Variants in PRDM16 observed in about 807,000 individuals in gnomAD.
PRDM16 encodes histone-lysine N-methyltransferase PRDM16.
Under a neutral mutation model 110.6 loss-of-function variants are expected in PRDM16, and 23 were observed. That is an observed-to-expected ratio of 0.21 (90% CI 0.15 to 0.29). PRDM16 has a LOEUF of 0.29. Among genes scored for constraint, PRDM16 ranks in the 10% least tolerant of loss-of-function variants. PRDM16 has a pLI of 1.00. For synonymous variants in PRDM16, 799 were observed against 781.8 expected (o/e 1.02, Z -0.37); for missense variants, 1,615 against 1,794.3 (o/e 0.90, Z 1.81).
chr1:3,140,085 C>G (rs7354964), intron 1 of PRDM16, among the ~76,000 whole-genome samples: 86,404 of 152,200 alleles, frequency 0.57, 27,327 homozygotes, highest in African/African-American at 0.82. Context: ...GCGTTTTAAA[C>G]CAGCATGTTA....
In PRDM16 at chr1:3,080,915, C is replaced by T. The variant is rs1218287883; in HGVS notation, c.37+11619C>T. On this transcript the variant is annotated intron_variant, in intron 1 of 16. Coordinates refer to ENST00000270722, the MANE Select transcript of PRDM16 (RefSeq NM_022114.4). This position sits in a 1 kb window ranked among gnomAD's most constrained non-coding sequence, Gnocchi z 5.2. ...CGAGCACCCAACGCTTCCCGGAGAGCTTGTGTGCCTGAGAGTGTGTGTGTG... is the reference window on the plus strand; with the variant it reads ...CGAGCACCCAACGCTTCCCGGAGAGTTTGTGTGCCTGAGAGTGTGTGTGTG... 6.6e-6 allele frequency among the ~76,000 whole-genome samples: 1 copy of T among 151,832 alleles called. No homozygotes were observed. Among genetic ancestry groups the T allele is most frequent in the Non-Finnish European group, 1.5e-5 (1 of 67,950 alleles).
chr1:3,159,772 G>C (rs1463835633), intron 1 of PRDM16, among the ~76,000 whole-genome samples: 4 of 152,188 alleles, frequency 2.6e-5, no homozygotes. Flanking sequence ...TAAGAGGTTA[G>C]TAGGGGTACC....
intron 3 of PRDM16, among the ~76,000 whole-genome samples, chr1:3,381,422 A>T (rs1643100968): frequency 7.4e-6 from 1 of 135,326 alleles, no homozygotes; most frequent in Non-Finnish European, 1.5e-5. Context: ...TTTTTTTGAG[A>T]CAGAGTCTCT....
chr1:3,150,864 TG>T (rs1313123465), intron 1 of PRDM16, among the ~76,000 whole-genome samples: 1 of 98,944 alleles, frequency 1.0e-5, no homozygotes, highest in African/African-American at 4.0e-5. Context: ...GGAGGCCGGG[TG>T]GGGGCGGGGG....
At chr1:3,123,867 C>T (rs775797450) in intron 1 of PRDM16, among the ~76,000 whole-genome samples, 1 of 152,248 alleles carries the variant, frequency 6.6e-6, no homozygotes, top group African/African-American at 2.4e-5. Context: ...CAACTGGGGA[C>T]AAGACAGAGA....
chr1:3,229,158 G>A (rs1639354173), intron 2 of PRDM16, among the ~76,000 whole-genome samples: 1 of 152,188 alleles, frequency 6.6e-6, no homozygotes, highest in Non-Finnish European at 1.5e-5. Flanking sequence ...AGCAGCCAGG[G>A]AGGAGCCCAG....
At chr1:3,322,102 CTGTG>C (rs762984109) in intron 3 of PRDM16, among the ~76,000 whole-genome samples, 1 of 149,884 alleles carries the variant, frequency 6.7e-6, no homozygotes, top group African/African-American at 2.5e-5. Flanking sequence ...GTGTGCGGCT[CTGTG>C]TGATTGTGAT....
chr1:3,073,107 C>T (rs564472474), intron 1 of PRDM16, among the ~76,000 whole-genome samples: 2 of 152,238 alleles, frequency 1.3e-5, no homozygotes, highest in African/African-American at 4.8e-5. Context: ...CCTCCTGGCC[C>T]CGAGGCTTCC....
chr1:3,264,759 C>T (rs1296151205), intron 3 of PRDM16, among the ~76,000 whole-genome samples: 4 of 151,668 alleles, frequency 2.6e-5, no homozygotes, highest in Non-Finnish European at 5.9e-5. Flanking sequence ...GGGGTGCTGA[C>T]AGGAGGGGGC....
chr1:3,127,618 G>A (rs955279065), intron 1 of PRDM16, among the ~76,000 whole-genome samples: 1 of 152,248 alleles, frequency 6.6e-6, no homozygotes. Context: ...CCTGTAAACT[G>A]ATACAGATGC....
At chr1:3,344,914 T>C (rs1642333461) in intron 3 of PRDM16, among the ~76,000 whole-genome samples, 1 of 152,246 alleles carries the variant, frequency 6.6e-6, no homozygotes, top group African/African-American at 2.4e-5. Context: ...AATCTCTGTG[T>C]AGCTCTTGTT....
intron 2 of PRDM16, among the ~76,000 whole-genome samples, chr1:3,214,197 C>T (rs1638967363): frequency 6.6e-6 from 1 of 152,192 alleles, no homozygotes; most frequent in South Asian, 2.1e-4. Flanking sequence ...GCGTCTTTTC[C>T]TTCCATTCTC....
chr1:3,181,450 G>GGTCTTACACACACA (rs1644180932), intron 1 of PRDM16, among the ~76,000 whole-genome samples: 6 of 22,060 alleles, frequency 2.7e-4, no homozygotes, highest in Non-Finnish European at 9.5e-4. Flanking sequence ...AGTCTTACAC[G>GGTCTTACACACACA]GTCTTACACA....
intron 1 of PRDM16, among the ~76,000 whole-genome samples, chr1:3,112,726 C>A (rs147786118): frequency 6.6e-6 from 1 of 152,248 alleles, no homozygotes; most frequent in Non-Finnish European, 1.5e-5. Flanking sequence ...AGCTGCTCCC[C>A]GGTGAGGGTT....
In PRDM16 at chr1:3,175,472, G is replaced by A. The variant is rs530903168; in HGVS notation, c.38-10653G>A. Among the ~76,000 whole-genome samples, 10 of 152,188 alleles carry A rather than the reference G, an allele frequency of 6.6e-5. No homozygotes were observed. Among genetic ancestry groups the A allele is most frequent in the Non-Finnish European group, 1.0e-4 (7 of 68,040 alleles). Reference sequence around the variant, plus strand: ...TCCCTCTCCCTGTTTTGTTCAGGGGGCAGGATGGCCCTTCACTGCTCATGG... The same window carrying A: ...TCCCTCTCCCTGTTTTGTTCAGGGGACAGGATGGCCCTTCACTGCTCATGG... On this transcript the variant is annotated intron_variant, in intron 1 of 16. Transcript: ENST00000270722. This position sits in a 1 kb window ranked among gnomAD's most constrained non-coding sequence, Gnocchi z 4.8.
In PRDM16 at chr1:3,175,024, G is replaced by A. The variant is rs565662157; in HGVS notation, c.38-11101G>A. Among the ~76,000 whole-genome samples the A allele has an allele frequency of 8.5e-4, 130 of 152,306 alleles. No individual in the cohort carries two copies. The highest frequency in any genetic ancestry group is 3.4e-3 in the Middle Eastern group (1 of 294). The stretch of plus-strand genomic sequence containing the variant: ...AGTCCCAGTGCCGCAGGGCAGCCGC[G>A]GTCCCGGGCTGGTCAGAAGGTGGGA... On this transcript the variant is annotated intron_variant, in intron 1 of 16. Coordinates refer to ENST00000270722, the MANE Select transcript of PRDM16 (RefSeq NM_022114.4). This position sits in a 1 kb window ranked among gnomAD's most constrained non-coding sequence, Gnocchi z 4.8.
intron 1 of PRDM16, among the ~76,000 whole-genome samples, chr1:3,160,888 C>G (rs2100739852): frequency 6.6e-6 from 1 of 152,314 alleles, no homozygotes; most frequent in South Asian, 2.1e-4. Flanking sequence ...AGAGGCTGAG[C>G]CTGGGTGTGA....
chr1:3,295,482 C>T (rs951674020), intron 3 of PRDM16, among the ~76,000 whole-genome samples: 1 of 152,172 alleles, frequency 6.6e-6, no homozygotes, highest in Non-Finnish European at 1.5e-5. Context: ...GGAGCACCAG[C>T]GTGTGGGGGC....
intron 3 of PRDM16, among the ~76,000 whole-genome samples, chr1:3,340,604 G>A (rs1189323623): frequency 1.3e-5 from 2 of 152,202 alleles, no homozygotes; most frequent in Non-Finnish European, 2.9e-5. Flanking sequence ...ACGCGTGTCT[G>A]TGTCTTCAGG....
Sources: allele counts gnomAD v4.1 joint callset (sites outside exome capture counted in the v4.1 genomes callset), GRCh38; gene constraint gnomAD v4.1.1; non-coding constraint Gnocchi (gnomAD v3.1); transcripts MANE v1.5; gene names NCBI Gene and HGNC (gene_info 2026-07-23, HGNC 2026-07-21).